SORCS3: variants seen among roughly 807,000 people sequenced by gnomAD.
SORCS3 encodes the protein VPS10 domain-containing receptor SorCS3.
Under a neutral mutation model 146.3 loss-of-function variants are expected in SORCS3, and 57 were observed. That is an observed-to-expected ratio of 0.39 (90% CI 0.31 to 0.49). The LOEUF is 0.49. Ranked by LOEUF, SORCS3 falls within the 20% of genes least tolerant of loss-of-function variation. The pLI, the probability that SORCS3 is intolerant of heterozygous loss-of-function variation, is 0.92. For missense variants in SORCS3, 1,341 were observed against 1,575.5 expected (o/e 0.85, Z 2.52); for synonymous variants, 653 against 618.5 (o/e 1.06, Z -0.83).
At chr10:105,137,250 G>A (rs749313322) in intron 7 of SORCS3, among the ~76,000 whole-genome samples, 1 of 152,112 alleles carries the variant, frequency 6.6e-6, no homozygotes, top group Non-Finnish European at 1.5e-5. Flanking sequence ...CCATGAATGT[G>A]TTTGGTTCAG....
intron 7 of SORCS3, among the ~76,000 whole-genome samples, chr10:105,122,093 TCTC>T (rs1564760158): frequency 1.3e-5 from 2 of 152,102 alleles, no homozygotes; most frequent in African/African-American, 2.4e-5. Flanking sequence ...TCTGGGTCCT[TCTC>T]CTATTAAAGA....
intron 12 of SORCS3, among the ~76,000 whole-genome samples, chr10:105,165,512 A>C (rs980590206): frequency 5.3e-5 from 8 of 152,124 alleles, no homozygotes; most frequent in African/African-American, 1.9e-4. Context: ...GCGTTGTAAA[A>C]ATTAACAAGT....
chr10:105,116,795 T>C (rs1465483308), intron 7 of SORCS3, among the ~76,000 whole-genome samples: 1 of 152,044 alleles, frequency 6.6e-6, no homozygotes, highest in South Asian at 2.1e-4. Flanking sequence ...TAGAAAACCA[T>C]ATACCTCACG....
At chr10:105,176,283 A>G (rs978366597) in intron 13 of SORCS3, among the ~76,000 whole-genome samples, 1 of 151,974 alleles carries the variant, frequency 6.6e-6, no homozygotes, top group Non-Finnish European at 1.5e-5. Flanking sequence ...GGTGGCTCAC[A>G]CCTGTAATCC....
At position 104,753,991 on chromosome 10, in the gene SORCS3, A is replaced by T. The variant is rs1203605615; in HGVS notation, c.628-88801A>T. Reference sequence around the variant, plus strand: ...CCTGTAAAGAGTCTTAATTTGGTAGACCTAATATAATTTAGTGAAATTTGC... The same window carrying T: ...CCTGTAAAGAGTCTTAATTTGGTAGTCCTAATATAATTTAGTGAAATTTGC... On this transcript the variant is annotated intron_variant, in intron 1 of 26. Coordinates refer to ENST00000369701, the MANE Select transcript of SORCS3 (RefSeq NM_014978.3). 4.6e-5 allele frequency among the ~76,000 whole-genome samples: 7 copies of T among 152,290 alleles called. No homozygotes were observed. The East Asian group carries it at 1.3e-3, about 29-fold the overall frequency.
intron 2 of SORCS3, among the ~76,000 whole-genome samples, chr10:104,878,520 A>T (rs2018599053): frequency 2.6e-5 from 4 of 152,202 alleles, no homozygotes; most frequent in African/African-American, 9.6e-5. Flanking sequence ...TGTGTTTATT[A>T]TCTTTAATTG....
rs138670264 is a variant in SORCS3 at position 105,157,695 on chromosome 10, G to A, written c.1629+411G>A. On this transcript the variant is annotated intron_variant, in intron 10 of 26. Transcript: ENST00000369701. ...TGAGAATCCAGGGGGAGCTTAGGCT[G>A]GAATGTCCATATGGGACAGTTAATC... Among the ~76,000 whole-genome samples the A allele has an allele frequency of 4.8e-3, 731 of 152,284 alleles. 9 individuals are homozygous for A. The highest frequency in any genetic ancestry group is 0.047 in the South Asian group (228 of 4,828).
chr10:105,155,924 C>G (rs1444235619), intron 9 of SORCS3, among the ~76,000 whole-genome samples: 2 of 152,190 alleles, frequency 1.3e-5, no homozygotes, highest in African/African-American at 2.4e-5. Context: ...GGCTGGCATT[C>G]TCTTTCAAGA....
At chr10:105,044,316 A>G (rs1181044073) in intron 5 of SORCS3, among the ~76,000 whole-genome samples, 1 of 152,036 alleles carries the variant, frequency 6.6e-6, no homozygotes, top group Non-Finnish European at 1.5e-5. Flanking sequence ...GCTGCAGTGT[A>G]CTCTAGCTTG....
intron 1 of SORCS3, among the ~76,000 whole-genome samples, chr10:104,705,231 T>TG (rs1289312391): frequency 6.6e-6 from 1 of 151,460 alleles, no homozygotes; most frequent in South Asian, 2.1e-4. Flanking sequence ...CTTCGTTTTT[T>TG]TTTTTTTTTT....
intron 13 of SORCS3, among the ~76,000 whole-genome samples, chr10:105,172,022 T>TTCCCAAC (rs2056364424): frequency 6.6e-6 from 1 of 152,194 alleles, no homozygotes; most frequent in South Asian, 2.1e-4. Flanking sequence ...TCCCATCTTG[T>TTCCCAAC]ATAATGGCTT....
chr10:105,169,177 A>G (rs1333541096), intron 13 of SORCS3, among the ~76,000 whole-genome samples: 1 of 152,138 alleles, frequency 6.6e-6, no homozygotes, highest in Non-Finnish European at 1.5e-5. Context: ...AAGGCTAGAC[A>G]TGTATACCTG....
intron 14 of SORCS3, among the ~76,000 whole-genome samples, chr10:105,188,342 T>A (rs1326884698): frequency 2.6e-5 from 4 of 152,142 alleles, no homozygotes; most frequent in African/African-American, 4.8e-5. Context: ...AATGACATTT[T>A]AAAAAATCAT....
At chr10:104,675,376 A>G (rs2015901431) in intron 1 of SORCS3, among the ~76,000 whole-genome samples, 1 of 152,180 alleles carries the variant, frequency 6.6e-6, no homozygotes, top group Non-Finnish European at 1.5e-5. Flanking sequence ...TATTGTAGAT[A>G]TCTTCTTACA....
chr10:104,837,587 C>G (rs2018085869), intron 1 of SORCS3, among the ~76,000 whole-genome samples: 1 of 152,246 alleles, frequency 6.6e-6, no homozygotes, highest in Middle Eastern at 3.4e-3. Context: ...CCTGGCTCTC[C>G]CAACAATTTG....
intron 14 of SORCS3, among the ~76,000 whole-genome samples, chr10:105,181,636 T>C (rs1254696362): frequency 6.6e-6 from 1 of 152,214 alleles, no homozygotes; most frequent in Admixed American, 6.5e-5. Flanking sequence ...TTTATTGCTC[T>C]TTTTACTACT....
At chr10:104,856,510 A>G (rs1045004116) in intron 2 of SORCS3, among the ~76,000 whole-genome samples, 3 of 147,186 alleles carry the variant, frequency 2.0e-5, no homozygotes, top group Non-Finnish European at 4.5e-5. Flanking sequence ...TTATATATAA[A>G]TATATACATA....
intron 1 of SORCS3, among the ~76,000 whole-genome samples, chr10:104,793,894 C>T (rs74155037): frequency 0.042 from 6,420 of 152,160 alleles, 143 homozygotes; most frequent in South Asian, 0.061. Context: ...GCAATGAAAC[C>T]GTCAGAGTCA....
chr10:105,170,050 G>A (rs1225762678), intron 13 of SORCS3, among the ~76,000 whole-genome samples: 1 of 152,104 alleles, frequency 6.6e-6, no homozygotes, highest in Admixed American at 6.6e-5. Flanking sequence ...AAGTTTCCTT[G>A]TGCTGAGGAA....
Sources: gnomAD v4.1 joint callset for allele counts (sites outside exome capture counted in the v4.1 genomes callset) on GRCh38, gnomAD v4.1.1 for gene constraint, MANE v1.5 for transcripts, NCBI Gene and HGNC (gene_info 2026-07-23, HGNC 2026-07-21) for gene names.